The following WDR19 variants were observed in gnomAD, a reference collection of about 807,000 sequenced individuals.
WDR19 encodes WD repeat-containing protein 19.
A neutral mutation model predicts 180.0 loss-of-function variants in WDR19; 121 were observed. That is an observed-to-expected ratio of 0.67 (90% CI 0.58 to 0.78). The LOEUF (loss-of-function observed/expected upper bound fraction) is 0.78, where lower values mean the gene tolerates loss of function less well. WDR19 is among the 30% of genes least tolerant of loss of function. WDR19 has a pLI of 0.00. For missense variants in WDR19, 1,450 were observed against 1,640.7 expected (o/e 0.88, Z 2.01); for synonymous variants, 497 against 540.7 (o/e 0.92, Z 1.12).
At chr4:39,204,066 A>G (rs1333575120) in intron 7 of WDR19, among the ~76,000 whole-genome samples, 1 of 151,386 alleles carries the variant, frequency 6.6e-6, no homozygotes, top group Non-Finnish European at 1.5e-5. Context: ...GACCTCTTGA[A>G]GTTGTAGGCT....
chr4:39,257,563 G>C lies in WDR19; in HGVS notation c.3183+9G>C. 6.4e-7 allele frequency: 1 copy of C among 1,568,990 alleles called. No homozygotes were observed. ...AAATGGCAATTGAAACTGTAAGTAC[G>C]CTTTCAATGAAACTTTCAATAATGC... is the stretch of plus-strand genomic sequence containing the variant. On this transcript the variant is annotated intron_variant, in intron 28 of 36. Transcript: ENST00000399820.
intron 1 of WDR19, among the ~76,000 whole-genome samples, chr4:39,184,775 A>T (rs757985426): frequency 2.2e-4 from 33 of 152,226 alleles, no homozygotes; most frequent in Admixed American, 2.0e-4. Context: ...AGAAATGGGC[A>T]TCATTGTTTA....
intron 33 of WDR19, among the ~76,000 whole-genome samples, chr4:39,275,947 C>T (rs1016701682): frequency 2.0e-5 from 3 of 152,132 alleles, no homozygotes; most frequent in African/African-American, 7.2e-5. Flanking sequence ...CAGTCAGTAG[C>T]CTGGTTTTTC....
chr4:39,267,882 A>G (rs1318059383), intron 29 of WDR19, 113 bp from the exon 30 acceptor site: 11 of 947,492 alleles, frequency 1.2e-5, no homozygotes, highest in Non-Finnish European at 1.8e-5. Context: ...TTTTTAAAGC[A>G]ATATCAATTC....
chr4:39,276,622 C>T (rs1735922294), intron 33 of WDR19, among the ~76,000 whole-genome samples: 1 of 152,206 alleles, frequency 6.6e-6, no homozygotes, highest in Admixed American at 6.5e-5. Flanking sequence ...TCCATTGTCA[C>T]AGACAGTTCT....
intron 28 of WDR19, among the ~76,000 whole-genome samples, chr4:39,265,252 A>G (rs1334168560): frequency 6.6e-6 from 1 of 151,834 alleles, no homozygotes; most frequent in Non-Finnish European, 1.5e-5. Flanking sequence ...TTTCTAAGCC[A>G]GCCTTCCCTC....
intron 31 of WDR19, among the ~76,000 whole-genome samples, chr4:39,272,297 C>T (rs1395105152): frequency 1.3e-5 from 2 of 152,232 alleles, no homozygotes; most frequent in African/African-American, 4.8e-5. Context: ...GCACCATAAG[C>T]CACAGGGGTG....
intron 14 of WDR19, among the ~76,000 whole-genome samples, chr4:39,220,862 G>A (rs547858339): frequency 9.1e-4 from 118 of 129,392 alleles, no homozygotes; most frequent in African/African-American, 2.9e-3. Context: ...TTAGAAACCT[G>A]CTAATTAATT....
At chr4:39,283,603 A>G (rs943591222) in intron 36 of WDR19, among the ~76,000 whole-genome samples, 5 of 151,746 alleles carry the variant, frequency 3.3e-5, no homozygotes, top group East Asian at 1.9e-4. Flanking sequence ...TTATATATAT[A>G]CACACACACA....
intron 17 of WDR19, 122 bp from the exon 18 acceptor site, chr4:39,231,675 C>A: frequency 1.3e-6 from 1 of 780,088 alleles, no homozygotes; most frequent in Admixed American, 3.6e-5. Context: ...ATGACAATTA[C>A]AGGTTAAGAA....
At chr4:39,197,862 A>G (rs1009818200) in intron 5 of WDR19, among the ~76,000 whole-genome samples, 2 of 152,074 alleles carry the variant, frequency 1.3e-5, no homozygotes, top group Non-Finnish European at 2.9e-5. Context: ...TCTGAGAGAT[A>G]AGGTCTTGCT....
At chr4:39,238,735 A>C (rs1199210341) in intron 20 of WDR19, among the ~76,000 whole-genome samples, 2 of 152,092 alleles carry the variant, frequency 1.3e-5, no homozygotes, top group Non-Finnish European at 2.9e-5. Context: ...TGAGGCTTAG[A>C]GAGGTTTAGT....
chr4:39,278,263 A>G (rs1454538075), intron 35 of WDR19, 56 bp downstream of exon 35: 1 of 1,438,300 alleles, frequency 7.0e-7, no homozygotes, highest in Non-Finnish European at 9.5e-7. Flanking sequence ...CAGGCCTTTC[A>G]TTCTACCTCT....
intron 20 of WDR19, among the ~76,000 whole-genome samples, chr4:39,239,308 C>G (rs1201716810): frequency 6.6e-6 from 1 of 151,954 alleles, no homozygotes; most frequent in African/African-American, 2.4e-5. Context: ...TATATTAATA[C>G]TTTTTCTCAG....
At chr4:39,272,361 C>T (rs1480292701) in intron 31 of WDR19, among the ~76,000 whole-genome samples, 1 of 152,220 alleles carries the variant, frequency 6.6e-6, no homozygotes, top group African/African-American at 2.4e-5. Context: ...TCATTCCACA[C>T]TCTCACCAAG....
chr4:39,237,500 A>T (rs1299144684), intron 20 of WDR19, among the ~76,000 whole-genome samples: 2 of 152,130 alleles, frequency 1.3e-5, no homozygotes, highest in African/African-American at 4.8e-5. Context: ...CAGAAGGTTG[A>T]GGCTGCTGTG....
In WDR19 at chr4:39,244,485, G is replaced by A. The variant is rs772766937; in HGVS notation, c.2578G>A (p.Ala860Thr). ...CTTATTTTAGCAATTTTCAGAAGCG[G>A]CCCAACTGTATGAAAAAGGTCTCTA... is the stretch of plus-strand genomic sequence containing the variant. Reference protein sequence around the residue: ...LENMKQFSEAAQLYEKGLYYD... With the variant: ...LENMKQFSEATQLYEKGLYYD... Residue 860 changes from alanine (A) to threonine (T), a missense_variant, in exon 23 of 37, where the codon GCC becomes ACC. Transcript: ENST00000399820. 1.8e-5 allele frequency: 29 copies of A among 1,613,906 alleles called. No homozygotes were observed. The highest frequency in any genetic ancestry group is 2.5e-5 in the Non-Finnish European group (29 of 1,179,866).
intron 19 of WDR19, 36 bp downstream of exon 19, chr4:39,232,308 G>C: frequency 6.6e-7 from 1 of 1,526,496 alleles, no homozygotes; most frequent in Admixed American, 1.9e-5. Context: ...TTGTGTAAGA[G>C]GTATCCAGTG....
At chr4:39,202,354 C>T (rs1485788458) in intron 6 of WDR19, among the ~76,000 whole-genome samples, 1 of 151,634 alleles carries the variant, frequency 6.6e-6, no homozygotes, top group Non-Finnish European at 1.5e-5. Context: ...TTTAAAAATC[C>T]ACTTGAAATA....
Sources: allele counts gnomAD v4.1 joint callset (sites outside exome capture counted in the v4.1 genomes callset), GRCh38; gene constraint gnomAD v4.1.1; transcripts MANE v1.5; gene names NCBI Gene and HGNC (gene_info 2026-07-23, HGNC 2026-07-21).